SAMD8: variants seen among roughly 807,000 people sequenced by gnomAD.
SAMD8 encodes the protein sterile alpha motif domain containing 8, also known as sphingomyelin synthase-related protein 1.
SAMD8 carries 20 observed loss-of-function variants against 42.0 expected under a neutral mutation model. The observed-to-expected ratio is 0.48, with a 90% CI of 0.34 to 0.69. SAMD8 has a LOEUF of 0.69. Among genes scored for constraint, SAMD8 ranks in the 30% least tolerant of loss-of-function variants. The pLI, the probability that SAMD8 is intolerant of heterozygous loss-of-function variation, is 0.01. For synonymous variants in SAMD8, 162 were observed against 173.0 expected, an observed-to-expected ratio of 0.94 and a Z score of 0.50; for missense variants, 328 against 511.6, an observed-to-expected ratio of 0.64 and a Z score of 3.46.
rs551855638 is a variant in SAMD8, at chr10:75,150,415, G to A, written c.-15-99G>A. ...GGGGATTGTAGGCATGAGCCACTGC[G>A]CCTGGCCTGTTTCTGGTGTATTTAT... On this transcript the variant is annotated intron_variant, in intron 1 of 5. Transcript: ENST00000542569. The A allele has an allele frequency of 1.0e-4, 151 of 1,469,518 alleles. 1 individual carries two copies. The highest frequency in any genetic ancestry group is 1.3e-4 in the Non-Finnish European group (140 of 1,113,834). The allele number at this position is 1,469,518 out of a possible 1,614,324, so 91.0% of individuals were successfully genotyped here.
chr10:75,140,218 C>T (rs1387558903), intron 1 of SAMD8, among the ~76,000 whole-genome samples: 5 of 152,198 alleles, frequency 3.3e-5, no homozygotes, highest in Non-Finnish European at 7.3e-5. Context: ...AATTCTCCTG[C>T]CTTAGCCTCC....
intron 2 of SAMD8, among the ~76,000 whole-genome samples, chr10:75,158,320 G>A (rs1376911196): frequency 6.6e-6 from 1 of 151,974 alleles, no homozygotes; most frequent in Non-Finnish European, 1.5e-5. Context: ...GGCTGAGTGC[G>A]GTGGCTCATG....
chr10:75,121,328 A>G (rs1340638424), intron 1 of SAMD8, among the ~76,000 whole-genome samples: 1 of 152,136 alleles, frequency 6.6e-6, no homozygotes, highest in African/African-American at 2.4e-5. Flanking sequence ...TGGGCTGTAT[A>G]TCAGATGTTG....
intron 1 of SAMD8, chr10:75,105,558 C>T: frequency 8.5e-7 from 1 of 1,182,610 alleles, no homozygotes; most frequent in Non-Finnish European, 1.2e-6. Flanking sequence ...ACACACAGCC[C>T]TGCCAACCAA....
upstream of SAMD8, among the ~76,000 whole-genome samples, chr10:75,111,270 T>G (rs1303055475): frequency 6.6e-6 from 1 of 152,222 alleles, no homozygotes; most frequent in Non-Finnish European, 1.5e-5. Flanking sequence ...TTCTAGGCCC[T>G]AACCCCATTT....
intron 2 of SAMD8, among the ~76,000 whole-genome samples, chr10:75,151,997 T>C (rs977671894): frequency 3.3e-5 from 5 of 151,662 alleles, no homozygotes; most frequent in Non-Finnish European, 7.4e-5. Context: ...CCAGGTACTT[T>C]AGATTTTAAG....
Position 75,176,671 on chromosome 10 carries a change from A to G in SAMD8, c.1227A>G (p.Ile409Met). ...GTTGGCCATTTTCAAAACCAGCAAT[A>G]ATGAAAAGACTAATTGGATGAATAC... ...EYCWPFSKPA[I>M]MKRLIG is the part of the protein sequence containing the mutation. Residue 409 changes from isoleucine to methionine, a missense_variant, in exon 6 of 6, where the codon ATA becomes ATG. Ile to Met is a conservative substitution (Grantham distance 10, BLOSUM62 1). Around this residue, in one of 2 missense-constraint regions of SAMD8, gnomAD observed 178 missense variants for 325.6 expected, o/e 0.55. Coordinates refer to ENST00000542569, the MANE Select transcript of SAMD8 (RefSeq NM_001174156.2). The surrounding 1 kb of genome is among the most constrained non-coding windows in gnomAD (Gnocchi z 4.3). 1 of 1,538,128 alleles carries G rather than the reference A, an allele frequency of 6.5e-7. No homozygotes were observed. Among genetic ancestry groups the G allele is most frequent in the South Asian group, 1.2e-5 (1 of 81,520 alleles).
At chr10:75,169,107 T>C (rs1479400218) in intron 4 of SAMD8, among the ~76,000 whole-genome samples, 3 of 133,530 alleles carry the variant, frequency 2.2e-5, no homozygotes, top group Non-Finnish European at 4.6e-5. Context: ...GAGGTGGAGG[T>C]TGCAATGAGC....
intron 1 of SAMD8, among the ~76,000 whole-genome samples, chr10:75,130,738 C>G (rs1278362678): frequency 3.3e-5 from 5 of 152,060 alleles, no homozygotes; most frequent in African/African-American, 1.2e-4. Flanking sequence ...GCAAATCTGG[C>G]AAAATGTTTG....
chr10:75,164,845 T>C (rs766039437), intron 3 of SAMD8, 105 bp downstream of exon 3: 16 of 821,664 alleles, frequency 1.9e-5, no homozygotes, highest in Non-Finnish European at 3.0e-5. Flanking sequence ...TTTCCTTCTC[T>C]GGTCATTGTG....
At chr10:75,147,259 T>G (rs1181005778) in intron 1 of SAMD8, among the ~76,000 whole-genome samples, 1 of 152,170 alleles carries the variant, frequency 6.6e-6, no homozygotes, top group Non-Finnish European at 1.5e-5. Context: ...GGTAAGCTGT[T>G]AGAGAAAGGG....
upstream of SAMD8, among the ~76,000 whole-genome samples, chr10:75,110,823 A>AT (rs139276144): frequency 0.02 from 2,992 of 150,216 alleles, 85 homozygotes; most frequent in African/African-American, 0.06. Flanking sequence ...TAGCACTAGG[A>AT]TTTTTTTTTT....
intron 1 of SAMD8, among the ~76,000 whole-genome samples, chr10:75,146,051 A>G (rs1840122814): frequency 6.6e-6 from 1 of 151,988 alleles, no homozygotes; most frequent in Non-Finnish European, 1.5e-5. Flanking sequence ...TTGTCTGTGT[A>G]TCTCGTCTCC....
At chr10:75,153,643 T>C (rs918446158) in intron 2 of SAMD8, among the ~76,000 whole-genome samples, 17 of 151,772 alleles carry the variant, frequency 1.1e-4, no homozygotes, top group African/African-American at 3.9e-4. Flanking sequence ...AAAATAAAAC[T>C]GCCGTGTAGT....
intron 3 of SAMD8, among the ~76,000 whole-genome samples, chr10:75,166,352 G>A (rs1006900239): frequency 2.6e-5 from 4 of 151,816 alleles, no homozygotes; most frequent in African/African-American, 9.7e-5. Flanking sequence ...GAGCTCCTGA[G>A]GGGCTTTTTA....
In SAMD8 at chr10:75,150,853, T is replaced by G; in HGVS notation, c.325T>G (p.Trp109Gly). The G allele has an allele frequency of 1.2e-6, 2 of 1,613,974 alleles. No homozygotes were observed. Among genetic ancestry groups the G allele is most frequent in the Non-Finnish European group, 8.5e-7 (1 of 1,179,892 alleles). ...CATCAGTGCTCTTCAGAGTACAGAC[T>G]GGCTCTGTAATGGGGAGCTTTCCCA... Reference protein sequence around the residue: ...PFISALQSTDWLCNGELSHDC... With the variant: ...PFISALQSTDGLCNGELSHDC... The change falls in exon 2 of 6, where the codon TGG (tryptophan) becomes GGG (glycine). Residue 109 changes from tryptophan (W) to glycine (G), a missense_variant. Trp to Gly is a radical substitution (Grantham distance 184, BLOSUM62 -2). Coordinates refer to ENST00000542569, the MANE Select transcript of SAMD8 (RefSeq NM_001174156.2).
intron 2 of SAMD8, among the ~76,000 whole-genome samples, chr10:75,153,589 G>T (rs553717519): frequency 6.6e-6 from 1 of 151,330 alleles, no homozygotes; most frequent in Non-Finnish European, 1.5e-5. Context: ...ACTCCAGCCC[G>T]GGTGTCAGAG....
chr10:75,117,804 C>T (rs756176542), intron 1 of SAMD8, among the ~76,000 whole-genome samples: 14 of 152,202 alleles, frequency 9.2e-5, no homozygotes, highest in Non-Finnish European at 2.1e-4. Flanking sequence ...ATTTTAGATA[C>T]TTAGCTTCTT....
At chr10:75,167,330 C>T (rs547580346) in intron 3 of SAMD8, among the ~76,000 whole-genome samples, 10 of 152,220 alleles carry the variant, frequency 6.6e-5, no homozygotes, top group African/African-American at 2.2e-4. Flanking sequence ...GATCATGGCT[C>T]ACTGCATCCT....
Sources: gnomAD v4.1 joint callset for allele counts (sites outside exome capture counted in the v4.1 genomes callset) on GRCh38, gnomAD v4.1.1 for gene constraint, gnomAD v4.1.1 regional missense constraint, Gnocchi (gnomAD v3.1) non-coding constraint, MANE v1.5 for transcripts, NCBI Gene and HGNC (gene_info 2026-07-23, HGNC 2026-07-21) for gene names.